Variants in FRMPD1 observed in about 807,000 individuals in gnomAD.
FRMPD1 encodes the protein FERM and PDZ domain containing 1, also known as FERM and PDZ domain-containing protein 1.
FRMPD1 carries 76 observed loss-of-function variants against 117.8 expected under a neutral mutation model. The observed-to-expected ratio is 0.65, with a 90% CI of 0.54 to 0.78. The LOEUF (loss-of-function observed/expected upper bound fraction) is 0.78. Ranked by LOEUF, FRMPD1 falls within the 30% of genes least tolerant of loss-of-function variation. The pLI is 0.00. For missense variants in FRMPD1, 1,786 were observed against 1,964.5 expected (o/e 0.91, Z 1.72); for synonymous variants, 783 against 770.4 (o/e 1.02, Z -0.27).
rs1015892257 is a variant in FRMPD1, at chr9:37,740,513, C to T, written c.1985C>T (p.Ala662Val). Reference sequence around the variant, plus strand: ...GGCTTCCTCTGTCTCCTGGACCTGGCCCAGAGAGCCAACCCCCAGTGCCAG... The same window carrying T: ...GGCTTCCTCTGTCTCCTGGACCTGGTCCAGAGAGCCAACCCCCAGTGCCAG... ...TSGFLCLLDL[A>V]QRANPQCQKT... Residue 662 changes from alanine to valine, a missense_variant, in exon 15 of 16, where the codon GCC becomes GTC. Coordinates refer to ENST00000377765, the MANE Select transcript of FRMPD1 (RefSeq NM_014907.3). The surrounding 1 kb of genome is among the most constrained non-coding windows in gnomAD (Gnocchi z 4.2). The T allele has an allele frequency of 6.2e-6, 10 of 1,613,912 alleles. No homozygotes were observed. The highest frequency in any genetic ancestry group is 8.5e-6 in the Non-Finnish European group (10 of 1,179,926).
chr9:37,677,278 T>G (rs968755945), intron 1 of FRMPD1, among the ~76,000 whole-genome samples: 3 of 152,196 alleles, frequency 2.0e-5, no homozygotes, highest in African/African-American at 7.2e-5. Context: ...TTGCTTGTGC[T>G]GTGGTGGTGG....
chr9:37,673,112 G>A (rs1821411432), intron 1 of FRMPD1, among the ~76,000 whole-genome samples: 1 of 152,168 alleles, frequency 6.6e-6, no homozygotes, highest in African/African-American at 2.4e-5. Flanking sequence ...AGTCTCATCT[G>A]AGACAAGGCA....
chr9:37,629,752 G>A, the FRMPD1 span, among the ~76,000 whole-genome samples: 3 of 152,148 alleles, frequency 2.0e-5, no homozygotes, highest in Non-Finnish European at 2.9e-5. Context: ...AACCTTTTCA[G>A]AGTTTAGAGT....
chr9:37,618,693 T>C, the FRMPD1 span, among the ~76,000 whole-genome samples: 1 of 152,162 alleles, frequency 6.6e-6, no homozygotes, highest in Non-Finnish European at 1.5e-5. Flanking sequence ...GCCAGCCTCA[T>C]TGGTTTACTG....
At chr9:37,638,024 C>CTT in the FRMPD1 span, among the ~76,000 whole-genome samples, 860 of 95,196 alleles carry the variant, frequency 9.0e-3, 36 homozygotes, top group East Asian at 0.039. Context: ...TTCTTTCTTT[C>CTT]TCTCTCTTTC....
rs573955616 is a variant in FRMPD1, at chr9:37,667,062, CTT to C, written c.-5+15983_-5+15984del. 1.5e-4 allele frequency among the ~76,000 whole-genome samples: 17 copies of C among 111,028 alleles called. 1 individual carries two copies. The highest frequency in any genetic ancestry group is 5.5e-4 in the African/African-American group (14 of 25,316). 72.8% of individuals were successfully genotyped at this position (111,028 alleles called of 152,430 possible). ...GGAAAAGAGAGACAATTGAAGCATG[CTT>C]TTTTTTTTTTTTTTCCTGAGACAGG... On this transcript the variant is annotated intron_variant, in intron 1 of 15. Coordinates refer to ENST00000377765, the MANE Select transcript of FRMPD1 (RefSeq NM_014907.3).
chr9:37,701,203 G>C (rs1429936650), intron 2 of FRMPD1, among the ~76,000 whole-genome samples: 1 of 152,160 alleles, frequency 6.6e-6, no homozygotes, highest in Non-Finnish European at 1.5e-5. Flanking sequence ...CATTTGAAAA[G>C]CATCAAAATG....
At chr9:37,637,311 G>C in the FRMPD1 span, 5 of 1,212,278 alleles carry the variant, frequency 4.1e-6, no homozygotes, top group Non-Finnish European at 6.1e-6. Context: ...GCGGAAGCCC[G>C]CTCAGTCGCT....
intron 1 of FRMPD1, among the ~76,000 whole-genome samples, chr9:37,667,517 TAA>T (rs57309285): frequency 7.0e-6 from 1 of 143,538 alleles, no homozygotes; most frequent in African/African-American, 2.5e-5. Flanking sequence ...TACTAAAAAT[TAA>T]AAAAAAAAAA....
rs769634224 is a variant in FRMPD1 at position 37,730,964 on chromosome 9, A to G, written c.739-20A>G. 45 of 1,613,062 alleles carry G rather than the reference A, an allele frequency of 2.8e-5. No homozygotes were observed. The African/African-American group carries it at 5.5e-4, about 20-fold the overall frequency. On this transcript the variant is annotated intron_variant, in intron 8 of 15. Coordinates refer to ENST00000377765, the MANE Select transcript of FRMPD1 (RefSeq NM_014907.3). ...CAAAGGCAGTTAGGAGATTAATAGT[A>G]TCTCCCTTACCCATCGCAGGTGGTA...
chr9:37,687,619 C>T (rs544797250), intron 1 of FRMPD1, among the ~76,000 whole-genome samples: 2 of 152,322 alleles, frequency 1.3e-5, no homozygotes, highest in South Asian at 4.1e-4. Context: ...CTATAACCTA[C>T]ATTCTTGATC....
chr9:37,605,681 A>ATTTT, the FRMPD1 span, among the ~76,000 whole-genome samples: 1 of 131,194 alleles, frequency 7.6e-6, no homozygotes, highest in Non-Finnish European at 1.7e-5. Flanking sequence ...TTCTGGTAGA[A>ATTTT]TTTTATTTAT....
the FRMPD1 span, among the ~76,000 whole-genome samples, chr9:37,628,651 C>A: frequency 1.3e-5 from 2 of 152,184 alleles, no homozygotes; most frequent in East Asian, 1.9e-4. Flanking sequence ...CCTAACCATG[C>A]CTCTCTGGCT....
At chr9:37,605,643 A>T in the FRMPD1 span, among the ~76,000 whole-genome samples, 2 of 152,204 alleles carry the variant, frequency 1.3e-5, no homozygotes, top group Non-Finnish European at 2.9e-5. Context: ...TGTACAGCAG[A>T]TAAGACTAAT....
At chr9:37,607,369 C>A in the FRMPD1 span, among the ~76,000 whole-genome samples, 702 of 152,148 alleles carry the variant, frequency 4.6e-3, 6 homozygotes, top group African/African-American at 0.016. Flanking sequence ...AGTGGTGTTT[C>A]ATGAAGTTTA....
At chr9:37,702,896 G>A (rs1353538269) in intron 2 of FRMPD1, among the ~76,000 whole-genome samples, 2 of 152,132 alleles carry the variant, frequency 1.3e-5, no homozygotes, top group South Asian at 2.1e-4. Context: ...TCTTTGTTGT[G>A]TTTGGTTTAT....
At chr9:37,679,680 A>G (rs2117913792) in intron 1 of FRMPD1, among the ~76,000 whole-genome samples, 1 of 152,320 alleles carries the variant, frequency 6.6e-6, no homozygotes, top group Middle Eastern at 3.4e-3. Flanking sequence ...TTTTATCCAT[A>G]TGTAACTCTT....
the FRMPD1 span, among the ~76,000 whole-genome samples, chr9:37,623,906 A>T: frequency 6.6e-6 from 1 of 152,156 alleles, no homozygotes; most frequent in Non-Finnish European, 1.5e-5. Flanking sequence ...ATGACTGTGG[A>T]CATTTTAGGC....
At chr9:37,673,956 G>C (rs1271248871) in intron 1 of FRMPD1, among the ~76,000 whole-genome samples, 6 of 152,230 alleles carry the variant, frequency 3.9e-5, no homozygotes, top group Admixed American at 3.9e-4. Context: ...TGCCATGAAG[G>C]TCTCTGACAT....
Sources: allele counts gnomAD v4.1 joint callset (sites outside exome capture counted in the v4.1 genomes callset), GRCh38; gene constraint gnomAD v4.1.1; non-coding constraint Gnocchi (gnomAD v3.1); transcripts MANE v1.5; gene names NCBI Gene and HGNC (gene_info 2026-07-23, HGNC 2026-07-21).